IVD: variants seen among roughly 807,000 people sequenced by gnomAD.
IVD encodes isovaleryl-CoA dehydrogenase, mitochondrial.
IVD carries 31 observed loss-of-function variants against 51.3 expected under a neutral mutation model. The observed-to-expected ratio is 0.60, with a 90% CI of 0.45 to 0.81. The LOEUF (loss-of-function observed/expected upper bound fraction) is 0.81, where lower values mean the gene tolerates loss of function less well. Ranked by LOEUF, IVD falls within the 40% of genes least tolerant of loss-of-function variation. The pLI is 0.00. For synonymous variants in IVD, 205 were observed against 219.4 expected (o/e 0.93, Z 0.58); for missense variants, 475 against 552.0 (o/e 0.86, Z 1.40).
At chr15:40,430,834 C>T (rs1892932118) in intron 7 of IVD, among the ~76,000 whole-genome samples, 2 of 152,266 alleles carry the variant, frequency 1.3e-5, no homozygotes, top group South Asian at 4.2e-4. Flanking sequence ...GTTTCAGTGT[C>T]AAAGAGAGTG....
intron 8 of IVD, among the ~76,000 whole-genome samples, chr15:40,434,221 G>C (rs767274640): frequency 6.6e-6 from 1 of 152,130 alleles, no homozygotes; most frequent in Non-Finnish European, 1.5e-5. Context: ...TTTTTCAAGA[G>C]AAACTGTAAA....
rs1891952085 is a variant in IVD at position 40,418,434 on chromosome 15, G to A, written c.*171G>A. 7.9e-6 allele frequency: 12 copies of A among 1,519,510 alleles called. No individual in the cohort carries two copies. The South Asian group carries it at 1.2e-4, about 15-fold the overall frequency. 94.1% of individuals were successfully genotyped at this position (1,519,510 alleles called of 1,614,324 possible). A position where few individuals can be genotyped will look rare whatever the true frequency, so the allele number is the denominator to read the frequency against. On this transcript the variant is annotated 3_prime_UTR_variant, in exon 12 of 12. Coordinates refer to ENST00000487418, the MANE Select transcript of IVD (RefSeq NM_002225.5). ...TCCACAACAGCTCCCAAGCATCATGGGCCTCGCAGCCGGGCCTGTGCCACG... is the reference window on the plus strand; with the variant it reads ...TCCACAACAGCTCCCAAGCATCATGAGCCTCGCAGCCGGGCCTGTGCCACG...
downstream of IVD, chr15:40,435,811 A>G: frequency 1.5e-6 from 1 of 678,304 alleles, no homozygotes; most frequent in Non-Finnish European, 1.8e-6. Context: ...CTGCTCCTTC[A>G]GGCTCCGCTC....
rs754570116 is a variant in IVD at position 40,410,720 on chromosome 15, G to C, written c.379G>C (p.Gly127Arg). 2 of 1,614,174 alleles carry C rather than the reference G, an allele frequency of 1.2e-6. No homozygotes were observed. Among genetic ancestry groups the C allele is most frequent in the Non-Finnish European group, 1.7e-6 (2 of 1,180,032 alleles). ...TTCCGGAGCAGTGGGGCTCAGTTAC[G>C]GTGCCCACTCCAACCTCTGCATCAA... ...RASGAVGLSY[G>R]AHSNLCINQL... The change falls in exon 4 of 12, where the codon GGT becomes CGT. Residue 127 changes from glycine (G) to arginine (R), a missense_variant. Coordinates refer to ENST00000487418, the MANE Select transcript of IVD (RefSeq NM_002225.5).
intron 7 of IVD, among the ~76,000 whole-genome samples, chr15:40,430,268 G>C (rs183140281): frequency 1.8e-4 from 27 of 152,318 alleles, no homozygotes; most frequent in Non-Finnish European, 2.2e-4. Context: ...AGAAACAGGA[G>C]GACCCAGGGA....
intron 7 of IVD, among the ~76,000 whole-genome samples, chr15:40,429,888 A>T (rs1248027552): frequency 6.6e-6 from 1 of 152,222 alleles, no homozygotes; most frequent in Non-Finnish European, 1.5e-5. Flanking sequence ...CCAGATTTCA[A>T]TGAGTCTTCC....
chr15:40,410,871 G>A, intron 4 of IVD, 74 bp downstream of exon 4: 1 of 1,551,626 alleles, frequency 6.4e-7, no homozygotes, highest in Non-Finnish European at 8.8e-7. Flanking sequence ...TCTCCCCTTG[G>A]GGGCCAGTCA....
In IVD at chr15:40,411,812, G is replaced by C. The variant is rs907279440; in HGVS notation, c.687+121G>C. The C allele has an allele frequency of 4.0e-6, 5 of 1,241,164 alleles. No individual in the cohort carries two copies. The Admixed American group carries it at 7.8e-5, about 19-fold the overall frequency. 76.9% of individuals were successfully genotyped at this position (1,241,164 alleles called of 1,614,324 possible). A position where few individuals can be genotyped will look rare whatever the true frequency, so the allele number is the denominator to read the frequency against. ...TGTGCTCTGCAAGGCCCCCAGAGGT[G>C]GGGGTGAGGCAGAGAGCAGACTGCA... On this transcript the variant is annotated intron_variant, in intron 6 of 11. Transcript: ENST00000487418.
chr15:40,435,805 T>G (rs923425306), downstream of IVD: 12 of 685,822 alleles, frequency 1.7e-5, no homozygotes, highest in African/African-American at 5.9e-5. Flanking sequence ...GAGTGCCTGC[T>G]CCTTCAGGCT....
intron 2 of IVD, 71 bp from the exon 3 acceptor site, chr15:40,407,868 T>C: frequency 1.3e-6 from 2 of 1,541,092 alleles, no homozygotes; most frequent in South Asian, 2.2e-5. Flanking sequence ...TTGGGTCTCA[T>C]TGTTCCAGCC....
chr15:40,431,511 T>C (rs7164094), intron 7 of IVD, among the ~76,000 whole-genome samples: 2,049 of 151,970 alleles, frequency 0.013, 38 homozygotes, highest in African/African-American at 0.047. Flanking sequence ...CTGGCTAACA[T>C]GGTGAAACCC....
chr15:40,424,452 G>T, downstream of IVD: 1 of 286,044 alleles, frequency 3.5e-6, no homozygotes, highest in Non-Finnish European at 6.8e-6. Flanking sequence ...GCCTCCTTCA[G>T]GAAGACCTCT....
Position 40,410,635 on chromosome 15 carries a change from T to C in IVD, c.294T>C (p.Tyr98=), listed in dbSNP as rs2141322944. The C allele has an allele frequency of 3.1e-6, 5 of 1,614,234 alleles. No individual in the cohort carries two copies. The highest frequency in any genetic ancestry group is 1.7e-4 in the Middle Eastern group (1 of 6,058). ...GVLGITAPVQ[Y]GGSGLGYLEH... is the part of the protein sequence containing the mutation. ...GTACCACACCACTCACAGTTCAGTA[T>C]GGCGGCTCCGGCCTGGGCTACCTGG... Residue 98 remains tyrosine (Y), a synonymous_variant, in exon 4 of 12, where the codon TAT becomes TAC. Transcript: ENST00000487418.
Position 40,420,896 on chromosome 15 carries a change from C to G in IVD, c.*2633C>G. 1.0e-6 allele frequency: 1 copy of G among 985,576 alleles called. No individual in the cohort carries two copies. Among genetic ancestry groups the G allele is most frequent in the Non-Finnish European group, 1.2e-6 (1 of 830,062 alleles). 61.1% of individuals were successfully genotyped at this position (985,576 alleles called of 1,614,324 possible). ...TGGGTTGTTCCACCCCTTCCGAGTT[C>G]CAAAAAGAGGGAACTGGTTTTCTTG... On this transcript the variant is annotated 3_prime_UTR_variant, in exon 12 of 12. Transcript: ENST00000487418.
intron 3 of IVD, among the ~76,000 whole-genome samples, chr15:40,409,041 A>T (rs528030900): frequency 3.3e-5 from 5 of 152,324 alleles, no homozygotes; most frequent in Admixed American, 3.3e-4. Flanking sequence ...CATCCTAGAA[A>T]GTTATATCAC....
intron 6 of IVD, 91 bp downstream of exon 6, chr15:40,411,782 T>C: frequency 6.8e-7 from 1 of 1,480,238 alleles, no homozygotes; most frequent in Non-Finnish European, 9.4e-7. Context: ...ATGGAATCAG[T>C]GTTGTGTGCT....
Position 40,420,211 on chromosome 15 carries a change from A to G in IVD, c.*1948A>G. On this transcript the variant is annotated 3_prime_UTR_variant, in exon 12 of 12. Transcript: ENST00000487418. The stretch of plus-strand genomic sequence containing the variant: ...CTGTTGGAAGACTGGCTCCTCCTGT[A>G]CAGCACCTCTGAGCCCTTGTGCACC... 1 of 986,326 alleles carries G rather than the reference A, an allele frequency of 1.0e-6. No individual in the cohort carries two copies. The highest frequency in any genetic ancestry group is 1.2e-6 in the Non-Finnish European group (1 of 830,148). 61.1% of individuals were successfully genotyped at this position (986,326 alleles called of 1,614,324 possible).
Position 40,420,265 on chromosome 15 carries a change from G to A in IVD, c.*2002G>A. 1 of 987,608 alleles carries A rather than the reference G, an allele frequency of 1.0e-6. No individual in the cohort carries two copies. The highest frequency in any genetic ancestry group is 4.7e-5 in the South Asian group (1 of 21,384). The allele number at this position is 987,608 out of a possible 1,614,324, so 61.2% of individuals were successfully genotyped here. A position where few individuals can be genotyped will look rare whatever the true frequency, so the allele number is the denominator to read the frequency against. On this transcript the variant is annotated 3_prime_UTR_variant, in exon 12 of 12. Transcript: ENST00000487418. ...CTGCCACGGGCACCATCCAGTCCTG[G>A]CCGTGTGACCACCCACAGCTGACTG...
At chr15:40,415,205 G>A in intron 8 of IVD, 196 bp from the exon 9 acceptor site, 1 of 727,670 alleles carries the variant, frequency 1.4e-6, no homozygotes, top group Non-Finnish European at 2.3e-6. Context: ...GAGCAGGGTG[G>A]CTTACTCGGC....
Sources: gnomAD v4.1 joint callset for allele counts (sites outside exome capture counted in the v4.1 genomes callset) on GRCh38, gnomAD v4.1.1 for gene constraint, MANE v1.5 for transcripts, NCBI Gene and HGNC (gene_info 2026-07-23, HGNC 2026-07-21) for gene names.